The following SLC25A48 variants were observed in gnomAD, a reference collection of about 807,000 sequenced individuals.
The protein encoded by SLC25A48 is solute carrier family 25 member 48.
Under a neutral mutation model 32.2 loss-of-function variants are expected in SLC25A48, and 29 were observed. The observed-to-expected ratio is 0.90, with a 90% CI of 0.67 to 1.23. SLC25A48 has a LOEUF of 1.23. Among genes scored for constraint, SLC25A48 ranks in the 50% most tolerant of loss-of-function variants. SLC25A48 has a pLI of 0.00. For synonymous variants in SLC25A48, 164 were observed against 172.3 expected (o/e 0.95, Z 0.38); for missense variants, 399 against 422.7 (o/e 0.94, Z 0.49).
intron 3 of SLC25A48, among the ~76,000 whole-genome samples, chr5:135,724,096 C>A (rs1432535243): frequency 6.6e-6 from 1 of 152,216 alleles, no homozygotes; most frequent in Non-Finnish European, 1.5e-5. Context: ...CTGTCCTTTT[C>A]AATGGCTTTT....
At chr5:135,669,419 C>G (rs1439444121) in intron 3 of SLC25A48, among the ~76,000 whole-genome samples, 6 of 152,004 alleles carry the variant, frequency 3.9e-5, no homozygotes, top group African/African-American at 2.4e-5. Context: ...AAGCACCTAT[C>G]TGGGGGGAGG....
intron 3 of SLC25A48, among the ~76,000 whole-genome samples, chr5:135,762,445 A>T (rs1221275329): frequency 6.6e-6 from 1 of 152,110 alleles, no homozygotes; most frequent in Non-Finnish European, 1.5e-5. Context: ...TGTATTTTGA[A>T]CCACGCTAAT....
At chr5:135,688,669 C>T (rs1290420475) in intron 3 of SLC25A48, among the ~76,000 whole-genome samples, 1 of 152,188 alleles carries the variant, frequency 6.6e-6, no homozygotes, top group Non-Finnish European at 1.5e-5. Flanking sequence ...AACATTCATC[C>T]CATGCAATGG....
chr5:135,717,083 G>A (rs1754819100), intron 3 of SLC25A48, among the ~76,000 whole-genome samples: 1 of 152,166 alleles, frequency 6.6e-6, no homozygotes, highest in African/African-American at 2.4e-5. Flanking sequence ...GAGAAAGTGT[G>A]TCTGCTAGCA....
At chr5:135,798,832 C>T (rs565560020) in intron 3 of SLC25A48, among the ~76,000 whole-genome samples, 5 of 151,708 alleles carry the variant, frequency 3.3e-5, no homozygotes, top group Admixed American at 2.0e-4. Flanking sequence ...TGATACTACT[C>T]CCGATATTGT....
intron 3 of SLC25A48, among the ~76,000 whole-genome samples, chr5:135,791,064 A>T (rs1757017735): frequency 6.6e-6 from 1 of 150,396 alleles, no homozygotes; most frequent in Admixed American, 6.7e-5. Flanking sequence ...ACTCTTTGTA[A>T]TATTTTAGGG....
At chr5:135,623,548 A>T (rs1446812819) in intron 1 of SLC25A48, among the ~76,000 whole-genome samples, 3 of 152,236 alleles carry the variant, frequency 2.0e-5, no homozygotes, top group African/African-American at 7.2e-5. Context: ...TTGTTCAAAC[A>T]TGAAGGCTCC....
intron 3 of SLC25A48, among the ~76,000 whole-genome samples, chr5:135,698,154 G>A (rs10043997): frequency 0.52 from 78,569 of 152,106 alleles, 21,234 homozygotes; most frequent in South Asian, 0.61. Flanking sequence ...TGGGCTTCAC[G>A]GGGGTGAGGG....
intron 3 of SLC25A48, among the ~76,000 whole-genome samples, chr5:135,726,006 G>A (rs950774893): frequency 6.6e-6 from 1 of 152,210 alleles, no homozygotes; most frequent in Non-Finnish European, 1.5e-5. Flanking sequence ...TTATTGGCTG[G>A]TTGCTGATGG....
intron 3 of SLC25A48, among the ~76,000 whole-genome samples, chr5:135,730,376 A>G (rs1755196117): frequency 6.6e-6 from 1 of 152,138 alleles, no homozygotes; most frequent in South Asian, 2.1e-4. Flanking sequence ...AAAAAGAGGC[A>G]TTCCCCTGCA....
At chr5:135,779,267 T>C (rs1039320723) in intron 3 of SLC25A48, among the ~76,000 whole-genome samples, 1 of 151,848 alleles carries the variant, frequency 6.6e-6, no homozygotes. Flanking sequence ...GAGAGGCTGA[T>C]ATTACTCCCA....
intron 3 of SLC25A48, among the ~76,000 whole-genome samples, chr5:135,768,900 ATGACATTAC>A (rs1306442045): frequency 1.3e-5 from 2 of 151,978 alleles, no homozygotes; most frequent in Admixed American, 1.3e-4. Flanking sequence ...GAAAGTGATG[ATGACATTAC>A]TCGCAATATC....
chr5:135,606,595 G>C (rs937020193), intron 1 of SLC25A48, among the ~76,000 whole-genome samples: 11 of 152,136 alleles, frequency 7.2e-5, no homozygotes, highest in African/African-American at 2.7e-4. Context: ...CTTGGCTACA[G>C]GTCCCTGTCT....
intron 1 of SLC25A48, among the ~76,000 whole-genome samples, chr5:135,609,092 T>G (rs1752005574): frequency 6.6e-6 from 1 of 152,198 alleles, no homozygotes; most frequent in African/African-American, 2.4e-5. Flanking sequence ...GAGTTACAAG[T>G]TTGGCTCACC....
intron 3 of SLC25A48, among the ~76,000 whole-genome samples, chr5:135,745,104 T>C (rs1248473847): frequency 2.6e-5 from 4 of 151,944 alleles, no homozygotes; most frequent in Non-Finnish European, 4.4e-5. Context: ...AGAAATAGAG[T>C]GCAGAGTGGG....
At chr5:135,830,244 C>A (rs1758167999), upstream of SLC25A48, among the ~76,000 whole-genome samples, 1 of 152,228 alleles carries the variant, frequency 6.6e-6, no homozygotes, top group Non-Finnish European at 1.5e-5. Flanking sequence ...CTTGTCTTTT[C>A]CGCCCGAGAG....
intron 1 of SLC25A48, among the ~76,000 whole-genome samples, chr5:135,611,513 A>AAAAAAAAAAAAAAAAAAAC: frequency 6.8e-6 from 1 of 147,120 alleles, no homozygotes; most frequent in Non-Finnish European, 1.5e-5. Context: ...AAAAAAAAAA[A>AAAAAAAAAAAAAAAAAAAC]AAAAAAAAAA....
chr5:135,886,390 A>G (rs560607976), intron 7 of SLC25A48, among the ~76,000 whole-genome samples: 41 of 146,974 alleles, frequency 2.8e-4, no homozygotes, highest in Middle Eastern at 3.5e-3. Context: ...CTGGGCTGCA[A>G]TGAATGAAAC....
chr5:135,827,727 C>T (rs535254027), intron 4 of SLC25A48, among the ~76,000 whole-genome samples: 3 of 152,140 alleles, frequency 2.0e-5, no homozygotes, highest in African/African-American at 4.8e-5. Context: ...GGGGCCTCAT[C>T]GAGGAGCTGG....
Sources: allele counts gnomAD v4.1 joint callset (sites outside exome capture counted in the v4.1 genomes callset), GRCh38; gene constraint gnomAD v4.1.1; transcripts MANE v1.5; gene names NCBI Gene and HGNC (gene_info 2026-07-23, HGNC 2026-07-21).